Variants in RNF6 observed in about 807,000 individuals in gnomAD.
RNF6 encodes ring finger protein 6.
Under a neutral mutation model 50.1 loss-of-function variants are expected in RNF6, and 21 were observed. The ratio of observed to expected loss-of-function variants is 0.42; its 90% CI spans 0.30 to 0.60. The LOEUF (loss-of-function observed/expected upper bound fraction) is 0.60, where lower values mean the gene tolerates loss of function less well. Among genes scored for constraint, RNF6 ranks in the 20% least tolerant of loss-of-function variants. The pLI, the probability that RNF6 is intolerant of heterozygous loss-of-function variation, is 0.20. For synonymous variants in RNF6, 255 were observed against 291.8 expected, an observed-to-expected ratio of 0.87 and a Z score of 1.29; for missense variants, 698 against 838.2, an observed-to-expected ratio of 0.83 and a Z score of 2.07.
intron 5 of RNF6, among the ~76,000 whole-genome samples, chr13:26,178,736 TTTA>T (rs1372805162): frequency 4.6e-5 from 7 of 151,876 alleles, no homozygotes; most frequent in African/African-American, 1.7e-4. Context: ...ATCTCCAGAA[TTTA>T]TTCATTTGCA....
intron 5 of RNF6, among the ~76,000 whole-genome samples, chr13:26,132,806 C>G (rs1297750057): frequency 6.6e-6 from 1 of 152,154 alleles, no homozygotes; most frequent in African/African-American, 2.4e-5. Flanking sequence ...CTTTGAGTAG[C>G]AAGGATTTAG....
Position 26,222,151 on chromosome 13 carries a change from A to C in RNF6, c.-250T>G, listed in dbSNP as rs1870581056. On this transcript the variant is annotated 5_prime_UTR_variant, in exon 1 of 5. Transcript: ENST00000381588. Reference sequence around the variant, plus strand: ...CGCTGTGCCCTCGAATTGGCCACTGAGGAGAGAAGCCGGAAGCCCGTGCTG... The same window carrying C: ...CGCTGTGCCCTCGAATTGGCCACTGCGGAGAGAAGCCGGAAGCCCGTGCTG... The C allele has an allele frequency of 6.6e-6, 1 of 152,430 alleles. No individual in the cohort carries two copies. The highest frequency in any genetic ancestry group is 2.1e-4 in the South Asian group (1 of 4,836). The allele number at this position is 152,430 out of a possible 1,614,324, so 9.4% of individuals were successfully genotyped here. A position where few individuals can be genotyped will look rare whatever the true frequency, so the allele number is the denominator to read the frequency against.
chr13:26,171,901 G>A (rs922951303), intron 5 of RNF6, among the ~76,000 whole-genome samples: 8 of 152,176 alleles, frequency 5.3e-5, no homozygotes, highest in African/African-American at 1.7e-4. Context: ...TCGGGGCTAG[G>A]GGAAGGGGGT....
intron 5 of RNF6, among the ~76,000 whole-genome samples, chr13:26,156,551 A>G (rs2137597932): frequency 6.6e-6 from 1 of 152,348 alleles, no homozygotes; most frequent in East Asian, 1.9e-4. Flanking sequence ...CAAACCCTGT[A>G]CCCTTAATAG....
intron 5 of RNF6, among the ~76,000 whole-genome samples, chr13:26,199,886 G>T (rs1868828503): frequency 6.6e-6 from 1 of 152,152 alleles, no homozygotes. Context: ...AGGAAGTGGG[G>T]CCTTTGGGAG....
Position 26,192,911 on chromosome 13 carries a change from A to G in RNF6, n.768+22563T>C, listed in dbSNP as rs114387003. On this transcript the variant is annotated intron_variant and non_coding_transcript_variant, in intron 5 of 5. Transcript: ENST00000468480. ...ACTCCTGACGCACAGAAACTGTAAT[A>G]TAATAAACGTGGTATATTGTAAGCT... Among the ~76,000 whole-genome samples, 93 of 152,358 alleles carry G rather than the reference A, an allele frequency of 6.1e-4. 1 individual carries two copies. The highest frequency in any genetic ancestry group is 2.0e-3 in the African/African-American group (85 of 41,580).
intron 5 of RNF6, among the ~76,000 whole-genome samples, chr13:26,180,132 A>G (rs1261156419): frequency 2.6e-5 from 4 of 152,188 alleles, no homozygotes; most frequent in Non-Finnish European, 4.4e-5. Flanking sequence ...ATCCATCGCC[A>G]TCTTGGCTAG....
intron 5 of RNF6, among the ~76,000 whole-genome samples, chr13:26,146,367 T>G (rs187557570): frequency 1.3e-5 from 2 of 152,228 alleles, no homozygotes; most frequent in South Asian, 2.1e-4. Flanking sequence ...GTGCTGCCAC[T>G]TGGCCCTGGC....
intron 5 of RNF6, among the ~76,000 whole-genome samples, chr13:26,171,096 A>T (rs2137633107): frequency 6.6e-6 from 1 of 152,308 alleles, no homozygotes; most frequent in Non-Finnish European, 1.5e-5. Context: ...TGCATCAAGG[A>T]TTCTATCAAG....
intron 5 of RNF6, chr13:26,144,774 G>A (rs1212687075): frequency 6.6e-6 from 1 of 152,280 alleles, no homozygotes; most frequent in Non-Finnish European, 1.5e-5. Context: ...TACAGAATGA[G>A]CAAGAAGGCA....
At chr13:26,196,674 A>G (rs751160702) in intron 5 of RNF6, among the ~76,000 whole-genome samples, 32 of 151,846 alleles carry the variant, frequency 2.1e-4, no homozygotes, top group Non-Finnish European at 4.0e-4. Flanking sequence ...ACATTTTCAG[A>G]TAACAAAAAG....
chr13:26,188,731 G>C (rs1410992186), intron 5 of RNF6, among the ~76,000 whole-genome samples: 1 of 133,368 alleles, frequency 7.5e-6, no homozygotes, highest in Admixed American at 8.9e-5. Flanking sequence ...TTCAGTTCAA[G>C]CACTTATCCT....
intron 5 of RNF6, among the ~76,000 whole-genome samples, chr13:26,171,683 C>T (rs1247731983): frequency 2.0e-5 from 3 of 152,146 alleles, no homozygotes; most frequent in South Asian, 4.1e-4. Flanking sequence ...AAATGTGGTA[C>T]AAAAATACAA....
downstream of RNF6, among the ~76,000 whole-genome samples, chr13:26,210,592 T>C (rs779352832): frequency 2.1e-4 from 32 of 152,278 alleles, no homozygotes; most frequent in Non-Finnish European, 2.4e-4. Flanking sequence ...AGAACAAAGT[T>C]GTAAAATTAG....
At chr13:26,144,253 C>A (rs1871115251) in intron 5 of RNF6, among the ~76,000 whole-genome samples, 1 of 151,890 alleles carries the variant, frequency 6.6e-6, no homozygotes, top group South Asian at 2.1e-4. Flanking sequence ...CAATGGGCAA[C>A]AATAAGGGTG....
At chr13:26,151,621 C>CTTTTTTTTTTT (rs10682446) in intron 5 of RNF6, among the ~76,000 whole-genome samples, 28 of 139,464 alleles carry the variant, frequency 2.0e-4, no homozygotes, top group South Asian at 8.8e-4. Flanking sequence ...TTCTTTTTTT[C>CTTTTTTTTTTT]TTTTTTTTTT....
intron 5 of RNF6, among the ~76,000 whole-genome samples, chr13:26,163,722 T>C (rs895040083): frequency 1.3e-5 from 2 of 152,096 alleles, no homozygotes; most frequent in Non-Finnish European, 2.9e-5. Context: ...ATCTCCCTGA[T>C]TGTACCTAAA....
intron 5 of RNF6, among the ~76,000 whole-genome samples, chr13:26,188,922 C>G (rs1873689083): frequency 6.6e-6 from 1 of 151,948 alleles, no homozygotes; most frequent in Admixed American, 6.6e-5. Context: ...GCCACTGCGC[C>G]CGGCTCAGAA....
chr13:26,162,612 A>T (rs1872265903), intron 5 of RNF6, among the ~76,000 whole-genome samples: 1 of 152,240 alleles, frequency 6.6e-6, no homozygotes, highest in Admixed American at 6.5e-5. Flanking sequence ...TCCTCAATGG[A>T]TGAGAATACT....
Sources: gnomAD v4.1 joint callset for allele counts (sites outside exome capture counted in the v4.1 genomes callset) on GRCh38, gnomAD v4.1.1 for gene constraint, MANE v1.5 for transcripts, NCBI Gene and HGNC (gene_info 2026-07-23, HGNC 2026-07-21) for gene names.